KIF16B: variants seen among roughly 807,000 people sequenced by gnomAD.
KIF16B encodes the protein kinesin-like protein KIF16B.
In KIF16B, 98 loss-of-function variants were observed where a neutral mutation model predicts 156.3. The observed-to-expected ratio is 0.63, with a 90% CI of 0.53 to 0.74. The LOEUF (loss-of-function observed/expected upper bound fraction) is 0.74. Among genes scored for constraint, KIF16B ranks in the 30% least tolerant of loss-of-function variants. The pLI, the probability that KIF16B is intolerant of heterozygous loss-of-function variation, is 0.00. For missense variants in KIF16B, 1,421 were observed against 1,606.5 expected (o/e 0.88, Z 1.97); for synonymous variants, 564 against 583.7 (o/e 0.97, Z 0.49).
Position 16,379,189 on chromosome 20 carries a change from A to G in KIF16B, c.2813T>C (p.Leu938Ser). Reference sequence around the variant, plus strand: ...TTCTACTTGATAAAGAGTGTTGTCTAAGCTGAGAGGGCCTCTGTCAAGAAT... The same window carrying G: ...TTCTACTTGATAAAGAGTGTTGTCTGAGCTGAGAGGGCCTCTGTCAAGAAT... ...FEILDRGPLS[L>S]DNTLYQVEKE... Residue 938 changes from leucine to serine, a missense_variant, in exon 19 of 26, where the codon TTA (leucine) becomes TCA (serine). Transcript: ENST00000354981. 1 of 1,614,182 alleles carries G rather than the reference A, an allele frequency of 6.2e-7. No homozygotes were observed. The highest frequency in any genetic ancestry group is 8.5e-7 in the Non-Finnish European group (1 of 1,180,030).
intron 17 of KIF16B, among the ~76,000 whole-genome samples, chr20:16,396,648 C>T (rs140346035): frequency 1.4e-3 from 176 of 124,646 alleles, no homozygotes; most frequent in Middle Eastern, 4.3e-3. Flanking sequence ...ACTGTAGTCG[C>T]TTTTTTTTTT....
chr20:16,433,436 T>C (rs1032516048), intron 12 of KIF16B, among the ~76,000 whole-genome samples: 3 of 152,196 alleles, frequency 2.0e-5, no homozygotes, highest in Non-Finnish European at 4.4e-5. Flanking sequence ...CATCCCAGTT[T>C]CGTTTACTAT....
At chr20:16,533,631 T>G (rs913674863) in intron 1 of KIF16B, among the ~76,000 whole-genome samples, 3 of 152,214 alleles carry the variant, frequency 2.0e-5, no homozygotes, top group African/African-American at 7.2e-5. Flanking sequence ...CATTCTATGC[T>G]CTTAAGTTGT....
chr20:16,404,788 G>A (rs753195748), intron 17 of KIF16B, 25 bp downstream of exon 17: 2 of 1,535,050 alleles, frequency 1.3e-6, no homozygotes, highest in East Asian at 2.3e-5. Flanking sequence ...TCATCACAGG[G>A]AAGGAGATGC....
At chr20:16,362,092 G>C (rs1027008459) in intron 22 of KIF16B, among the ~76,000 whole-genome samples, 1 of 152,174 alleles carries the variant, frequency 6.6e-6, no homozygotes, top group African/African-American at 2.4e-5. Flanking sequence ...AATGCAGACA[G>C]GTTAGGACCC....
At chr20:16,353,449 T>A (rs2064378588) in intron 23 of KIF16B, among the ~76,000 whole-genome samples, 1 of 152,188 alleles carries the variant, frequency 6.6e-6, no homozygotes, top group East Asian at 1.9e-4. Context: ...CACAGTAAAC[T>A]CTCACTCATC....
intron 12 of KIF16B, among the ~76,000 whole-genome samples, chr20:16,448,306 G>C (rs1263028910): frequency 6.6e-6 from 1 of 152,030 alleles, no homozygotes; most frequent in Non-Finnish European, 1.5e-5. Flanking sequence ...TTTATGCTAA[G>C]ATAAAAAATG....
Position 16,460,632 on chromosome 20 carries a change from C to A in KIF16B, c.1303-30650G>T, listed in dbSNP as rs551303856. ...GTCATTTGAAAACAAAAACCAAGGT[C>A]ATTTCAGGGATGACACCTCCATTCA... On this transcript the variant is annotated intron_variant, in intron 12 of 25. Transcript: ENST00000354981. 2.0e-5 allele frequency among the ~76,000 whole-genome samples: 3 copies of A among 151,926 alleles called. No homozygotes were observed. The South Asian group carries it at 6.2e-4, about 32-fold the overall frequency.
chr20:16,289,247 C>T (rs1052407997), intron 25 of KIF16B, among the ~76,000 whole-genome samples: 5 of 152,226 alleles, frequency 3.3e-5, no homozygotes, highest in South Asian at 2.1e-4. Context: ...GAATGTGTAT[C>T]GCTTTTACAC....
intron 15 of KIF16B, among the ~76,000 whole-genome samples, chr20:16,412,315 G>A (rs2065977361): frequency 6.6e-6 from 1 of 152,008 alleles, no homozygotes; most frequent in Non-Finnish European, 1.5e-5. Context: ...AGAAGGAAGA[G>A]ACTGAGGAAT....
At chr20:16,503,946 G>A (rs913891446) in intron 10 of KIF16B, among the ~76,000 whole-genome samples, 7 of 152,104 alleles carry the variant, frequency 4.6e-5, no homozygotes, top group African/African-American at 1.4e-4. Flanking sequence ...CTCTCTAATA[G>A]GTGATATGAC....
At chr20:16,454,098 T>C (rs1456803086) in intron 12 of KIF16B, among the ~76,000 whole-genome samples, 1 of 152,096 alleles carries the variant, frequency 6.6e-6, no homozygotes, top group East Asian at 1.9e-4. Context: ...TAATGTACCG[T>C]GCACTTGTGA....
At chr20:16,369,189 T>C in intron 22 of KIF16B, 1 of 985,800 alleles carries the variant, frequency 1.0e-6, no homozygotes, top group Non-Finnish European at 1.2e-6. Flanking sequence ...TCCTCTCCTC[T>C]TTAATGAGGC....
intron 17 of KIF16B, among the ~76,000 whole-genome samples, chr20:16,399,712 T>C (rs765174845): frequency 4.6e-5 from 7 of 152,212 alleles, no homozygotes; most frequent in Non-Finnish European, 8.8e-5. Flanking sequence ...GTACTCATTA[T>C]CCTCCCTTCC....
chr20:16,280,838 G>GCA (rs2063134014), intron 25 of KIF16B, among the ~76,000 whole-genome samples: 1 of 136,884 alleles, frequency 7.3e-6, no homozygotes, highest in African/African-American at 2.8e-5. Flanking sequence ...TGCTGCGCGC[G>GCA]CACGTGTGTG....
chr20:16,292,802 A>G (rs899702799), intron 25 of KIF16B, among the ~76,000 whole-genome samples: 1 of 152,252 alleles, frequency 6.6e-6, no homozygotes, highest in Non-Finnish European at 1.5e-5. Flanking sequence ...ACTGACATCA[A>G]TGGAAATAAA....
chr20:16,434,377 A>T (rs369820737), intron 12 of KIF16B, among the ~76,000 whole-genome samples: 13 of 152,358 alleles, frequency 8.5e-5, no homozygotes, highest in African/African-American at 3.1e-4. Flanking sequence ...TATGAGAGTA[A>T]GCAGGGAGTC....
intron 12 of KIF16B, among the ~76,000 whole-genome samples, chr20:16,489,992 T>C (rs921770784): frequency 2.6e-5 from 4 of 151,744 alleles, no homozygotes; most frequent in African/African-American, 7.3e-5. Flanking sequence ...AAGAAAAACA[T>C]AGCGAAGAGC....
At chr20:16,492,056 T>C (rs975206909) in intron 12 of KIF16B, among the ~76,000 whole-genome samples, 2 of 152,178 alleles carry the variant, frequency 1.3e-5, no homozygotes, top group Admixed American at 1.3e-4. Context: ...CTCCTCAGGA[T>C]ATATGCCAAT....
Sources: gnomAD v4.1 joint callset for allele counts (sites outside exome capture counted in the v4.1 genomes callset) on GRCh38, gnomAD v4.1.1 for gene constraint, MANE v1.5 for transcripts, NCBI Gene and HGNC (gene_info 2026-07-23, HGNC 2026-07-21) for gene names.